ANKRD30B: variants seen among roughly 807,000 people sequenced by gnomAD.
ANKRD30B encodes ankyrin repeat domain-containing protein 30B.
A neutral mutation model predicts 202.2 loss-of-function variants in ANKRD30B; 144 were observed. The observed-to-expected ratio is 0.71, with a 90% confidence interval of 0.62 to 0.82. The LOEUF is 0.82. Among genes scored for constraint, ANKRD30B ranks in the 40% least tolerant of loss-of-function variants. The pLI is 0.00. For missense variants in ANKRD30B, 1,487 were observed against 1,669.1 expected, an observed-to-expected ratio of 0.89 and a Z score of 1.90; for synonymous variants, 508 against 561.3, an observed-to-expected ratio of 0.91 and a Z score of 1.34.
chr18:14,926,881 T>A, the ANKRD30B span, among the ~76,000 whole-genome samples: 1 of 152,210 alleles, frequency 6.6e-6, no homozygotes, highest in South Asian at 2.1e-4. Flanking sequence ...GAAAGAAAAG[T>A]ACAAAGCACT....
the ANKRD30B span, among the ~76,000 whole-genome samples, chr18:14,918,737 G>T: frequency 6.6e-6 from 1 of 152,200 alleles, no homozygotes; most frequent in Non-Finnish European, 1.5e-5. Context: ...TTGCTTGAAA[G>T]TAAACAACCT....
At chr18:14,782,636 A>G (rs1255199850) in intron 12 of ANKRD30B, 22 bp downstream of exon 12, 3 of 1,497,206 alleles carry the variant, frequency 2.0e-6, no homozygotes, top group African/African-American at 1.4e-5. Flanking sequence ...TTTTTATTTG[A>G]AAAGTCTTTT....
intron 30 of ANKRD30B, among the ~76,000 whole-genome samples, chr18:14,819,743 C>G (rs1970312461): frequency 6.6e-6 from 1 of 152,066 alleles, no homozygotes; most frequent in Non-Finnish European, 1.5e-5. Flanking sequence ...GGTACCAGTA[C>G]CATGCTGTTT....
intron 11 of ANKRD30B, among the ~76,000 whole-genome samples, 188 bp from the exon 12 acceptor site, chr18:14,782,339 A>G (rs1190475761): frequency 2.0e-5 from 3 of 152,088 alleles, no homozygotes; most frequent in African/African-American, 7.2e-5. Flanking sequence ...AAGACAACAG[A>G]TAAGTTTTGA....
At chr18:14,765,179 C>T (rs978386889) in intron 7 of ANKRD30B, among the ~76,000 whole-genome samples, 1 of 151,868 alleles carries the variant, frequency 6.6e-6, no homozygotes, top group South Asian at 2.1e-4. Flanking sequence ...TATGTTAGAC[C>T]GCTGGGTGTG....
At chr18:14,787,419 A>G (rs544442213) in intron 15 of ANKRD30B, among the ~76,000 whole-genome samples, 1 of 152,354 alleles carries the variant, frequency 6.6e-6, no homozygotes, top group African/African-American at 2.4e-5. Context: ...GAGTCCAGCT[A>G]TGGGCAAATA....
intron 34 of ANKRD30B, 33 bp downstream of exon 34, chr18:14,831,488 A>C (rs1449043214): frequency 8.2e-7 from 1 of 1,215,300 alleles, no homozygotes; most frequent in Non-Finnish European, 1.2e-6. Flanking sequence ...TGATTTTCTC[A>C]GTTGGAATCT....
At chr18:14,928,397 C>G in the ANKRD30B span, among the ~76,000 whole-genome samples, 2 of 152,266 alleles carry the variant, frequency 1.3e-5, no homozygotes, top group East Asian at 3.9e-4. Flanking sequence ...AACTGGTAGG[C>G]CGAATGACGA....
At chr18:14,895,080 C>CTAAAT in the ANKRD30B span, among the ~76,000 whole-genome samples, 1 of 150,134 alleles carries the variant, frequency 6.7e-6, no homozygotes, top group Non-Finnish European at 1.5e-5. Flanking sequence ...TAAGTGGGAG[C>CTAAAT]TAAACACTGG....
chr18:14,882,713 C>T, the ANKRD30B span, among the ~76,000 whole-genome samples: 2 of 151,668 alleles, frequency 1.3e-5, no homozygotes, highest in Non-Finnish European at 2.9e-5. Flanking sequence ...TATTGAAGTC[C>T]CCCACTATCA....
rs530416345 is a variant in ANKRD30B at position 14,850,432 on chromosome 18, G to A, written c.3564+50G>A. On this transcript the variant is annotated intron_variant, in intron 41 of 43. Coordinates refer to ENST00000690538, the MANE Select transcript of ANKRD30B (RefSeq NM_001367607.2). Reference sequence around the variant, plus strand: ...TTATATTTCTGACTTTATTTCATCAGTATTACTTTTAACATCCCTTTGATT... The same window carrying A: ...TTATATTTCTGACTTTATTTCATCAATATTACTTTTAACATCCCTTTGATT... 6.3e-6 allele frequency: 9 copies of A among 1,429,612 alleles called. No homozygotes were observed. The African/African-American group carries it at 1.0e-4, about 17-fold the overall frequency. 88.6% of individuals were successfully genotyped at this position (1,429,612 alleles called of 1,614,324 possible).
intron 9 of ANKRD30B, among the ~76,000 whole-genome samples, chr18:14,776,914 C>G (rs564358160): frequency 6.6e-6 from 1 of 152,186 alleles, no homozygotes; most frequent in South Asian, 2.1e-4. Flanking sequence ...TCAGCTTCTA[C>G]AGAGTTCTAC....
the ANKRD30B span, among the ~76,000 whole-genome samples, chr18:14,938,272 CA>C: frequency 6.6e-6 from 1 of 152,178 alleles, no homozygotes; most frequent in Non-Finnish European, 1.5e-5. Flanking sequence ...AAAATAAATG[CA>C]AAGGTGTTTT....
chr18:14,766,493 A>AAAAAAAGAAAAGAAAAGAAAAGAAAAG (rs1567989711), intron 7 of ANKRD30B, among the ~76,000 whole-genome samples: 3 of 85,002 alleles, frequency 3.5e-5, no homozygotes, highest in Non-Finnish European at 8.1e-5. Context: ...AAAAAAAAAA[A>AAAAAAAGAAAAGAAAAGAAAAGAAAAG]AAAAGAAAAG....
chr18:14,794,330 C>T (rs958739835), intron 16 of ANKRD30B, among the ~76,000 whole-genome samples: 4 of 151,176 alleles, frequency 2.6e-5, no homozygotes, highest in African/African-American at 9.7e-5. Context: ...ATAAACGGTT[C>T]GTTGATGATG....
rs937564205 is a variant in ANKRD30B, at chr18:14,784,449, C to T, written c.1600-14C>T. On this transcript the variant is annotated splice_polypyrimidine_tract_variant and intron_variant, in intron 13 of 43. Transcript: ENST00000690538. ...ACATTCTTTATTGATCATTTTTCTT[C>T]CAAACCCATTTAGCCTGCCGTTGAA... The T allele has an allele frequency of 6.2e-7, 1 of 1,613,196 alleles. No homozygotes were observed. The highest frequency in any genetic ancestry group is 1.7e-5 in the Admixed American group (1 of 59,952).
At chr18:14,891,661 G>A in the ANKRD30B span, among the ~76,000 whole-genome samples, 1 of 151,580 alleles carries the variant, frequency 6.6e-6, no homozygotes, top group African/African-American at 2.4e-5. Flanking sequence ...ATAGGCTAGA[G>A]AAAATTTTAA....
Position 14,772,158 on chromosome 18 carries a change from T to A in ANKRD30B, c.1259T>A (p.Leu420His). ...DVSSVEPIFS[L>H]FGTRTIENSQ... ...TGTTGTATCATTTTTCTTTAAAGTC[T>A]TTTTGGCACACGGACTATTGAAAAT... The change falls in exon 9 of 44, where the codon CTT becomes CAT. Residue 420 changes from leucine to histidine, a missense_variant and splice_region_variant. This residue lies in a region of ANKRD30B where 889 missense variants were observed against 841.4 expected (regional missense o/e 1.06). Coordinates refer to ENST00000690538, the MANE Select transcript of ANKRD30B (RefSeq NM_001367607.2). The A allele has an allele frequency of 6.7e-7, 1 of 1,494,792 alleles. No individual in the cohort carries two copies. Among genetic ancestry groups the A allele is most frequent in the Non-Finnish European group, 9.0e-7 (1 of 1,114,354 alleles). 92.6% of individuals were successfully genotyped at this position (1,494,792 alleles called of 1,614,324 possible). A position where few individuals can be genotyped will look rare whatever the true frequency, so the allele number is the denominator to read the frequency against.
chr18:14,914,479 A>G, the ANKRD30B span, among the ~76,000 whole-genome samples: 2 of 152,224 alleles, frequency 1.3e-5, no homozygotes, highest in African/African-American at 2.4e-5. Flanking sequence ...GCTCCTGGAC[A>G]GTGAAGATAA....
Sources: gnomAD v4.1 joint callset for allele counts (sites outside exome capture counted in the v4.1 genomes callset) on GRCh38, gnomAD v4.1.1 for gene constraint, gnomAD v4.1.1 regional missense constraint, MANE v1.5 for transcripts, NCBI Gene and HGNC (gene_info 2026-07-23, HGNC 2026-07-21) for gene names.